Variants in KCTD7 observed in about 807,000 individuals in gnomAD.
The protein encoded by KCTD7 is potassium channel tetramerization domain containing 7, also known as BTB/POZ domain-containing protein KCTD7.
A neutral mutation model predicts 27.0 loss-of-function variants in KCTD7; 15 were observed. The ratio of observed to expected loss-of-function variants is 0.56; its 90% CI spans 0.37 to 0.86. KCTD7 has a LOEUF of 0.86. KCTD7 is among the 40% of genes least tolerant of loss of function. KCTD7 has a pLI of 0.00. For missense variants in KCTD7, 299 were observed against 398.9 expected (o/e 0.75, Z 2.13); for synonymous variants, 159 against 162.7 (o/e 0.98, Z 0.17).
In KCTD7 at chr7:66,639,031, G is replaced by T; in HGVS notation, c.669G>T (p.Glu223Asp). Residue 223 changes from glutamate to aspartate, a missense_variant, in exon 4 of 4, where the codon GAG becomes GAT. Coordinates refer to ENST00000639828, the MANE Select transcript of KCTD7 (RefSeq NM_153033.5). ...GTGAGAGTGACGGGCAGCTTTTTGA[G>T]CACCACTGTGAAGTGGATGTGTCTT... ...ERSESDGQLF[E>D]HHCEVDVSFG... 6.2e-7 allele frequency: 1 copy of T among 1,614,162 alleles called. No homozygotes were observed. Among genetic ancestry groups the T allele is most frequent in the Non-Finnish European group, 8.5e-7 (1 of 1,180,024 alleles).
intron 1 of KCTD7, among the ~76,000 whole-genome samples, chr7:66,632,737 A>C (rs1244744978): frequency 6.6e-6 from 1 of 151,880 alleles, no homozygotes; most frequent in Non-Finnish European, 1.5e-5. Context: ...TGAGGTGGAG[A>C]GACCTGATTT....
chr7:66,639,407 C>T lies in KCTD7; in HGVS notation c.*175C>T. On this transcript the variant is annotated 3_prime_UTR_variant, in exon 4 of 4. Transcript: ENST00000639828. Reference sequence around the variant, plus strand: ...TGTAGCTCCAATCTCCCTGACTGCACCTCAGGGTTGGGCTCAGGGCTTGCG... The same window carrying T: ...TGTAGCTCCAATCTCCCTGACTGCATCTCAGGGTTGGGCTCAGGGCTTGCG... 2.0e-6 allele frequency: 3 copies of T among 1,500,482 alleles called. No homozygotes were observed. The highest frequency in any genetic ancestry group is 2.7e-6 in the Non-Finnish European group (3 of 1,127,356). The allele number at this position is 1,500,482 out of a possible 1,614,324, so 92.9% of individuals were successfully genotyped here.
In KCTD7 at chr7:66,640,784, C is replaced by A. The variant is rs1033782755; in HGVS notation, c.*1552C>A. 197 of 985,128 alleles carry A rather than the reference C, an allele frequency of 2.0e-4. No homozygotes were observed. Among genetic ancestry groups the A allele is most frequent in the Non-Finnish European group, 2.3e-4 (193 of 824,098 alleles). The allele number at this position is 985,128 out of a possible 1,614,324, so 61.0% of individuals were successfully genotyped here. On this transcript the variant is annotated 3_prime_UTR_variant, in exon 4 of 4. Coordinates refer to ENST00000639828, the MANE Select transcript of KCTD7 (RefSeq NM_153033.5). ...GATTAAGACTGTAGTATACTATGAT[C>A]GTGCCTGTGGCTAGCCACTGTGCTC... is the stretch of plus-strand genomic sequence containing the variant.
intron 3 of KCTD7, chr7:66,638,654 G>A (rs374072494): frequency 3.8e-6 from 3 of 783,088 alleles, no homozygotes; most frequent in South Asian, 1.8e-5. Flanking sequence ...GACAGCCCTC[G>A]TCCCATTGGC....
Position 66,642,049 on chromosome 7 carries a change from TATC to T in KCTD7, c.*2819_*2821del, listed in dbSNP as rs1786731032. Reference sequence around the variant, plus strand: ...TCTTGCCTTGAGACGGGCCAGTAGTTATCAGTGAGTCAAAGCAAAGTGAAAGTT... The same window carrying T: ...TCTTGCCTTGAGACGGGCCAGTAGTTAGTGAGTCAAAGCAAAGTGAAAGTT... On this transcript the variant is annotated 3_prime_UTR_variant, in exon 4 of 4. Coordinates refer to ENST00000639828, the MANE Select transcript of KCTD7 (RefSeq NM_153033.5). The T allele has an allele frequency of 1.0e-6, 1 of 985,310 alleles. No homozygotes were observed. The allele number at this position is 985,310 out of a possible 1,614,324, so 61.0% of individuals were successfully genotyped here. A position where few individuals can be genotyped will look rare whatever the true frequency, so the allele number is the denominator to read the frequency against.
Position 66,639,255 on chromosome 7 carries a change from C to T in KCTD7, c.*23C>T. ...TGAGTAGCCCCGGTAGGCGAGAGTC[C>T]CATCAGGGAGGATGTCCACCTTGCT... On this transcript the variant is annotated 3_prime_UTR_variant, in exon 4 of 4. Transcript: ENST00000639828. The T allele has an allele frequency of 1.2e-6, 2 of 1,605,798 alleles. No individual in the cohort carries two copies. The highest frequency in any genetic ancestry group is 1.7e-6 in the Non-Finnish European group (2 of 1,179,968).
intron 3 of KCTD7, 37 bp downstream of exon 3, chr7:66,638,468 A>C (rs755121011): frequency 1.2e-6 from 2 of 1,607,324 alleles, no homozygotes; most frequent in Admixed American, 3.3e-5. Flanking sequence ...GGTATGTGGG[A>C]GGAGGTCTGC....
At position 66,640,960 on chromosome 7, in the gene KCTD7, C is replaced by T. The variant is rs1363663280; in HGVS notation, c.*1728C>T. 3 of 985,356 alleles carry T rather than the reference C, an allele frequency of 3.0e-6. No individual in the cohort carries two copies. The highest frequency in any genetic ancestry group is 9.4e-5 in the South Asian group (2 of 21,288). 61.0% of individuals were successfully genotyped at this position (985,356 alleles called of 1,614,324 possible). A position where few individuals can be genotyped will look rare whatever the true frequency, so the allele number is the denominator to read the frequency against. On this transcript the variant is annotated 3_prime_UTR_variant, in exon 4 of 4. Transcript: ENST00000639828. ...TTCATATGAGGAAGAGAAGACCAAGCCCTGGGACTTTGGCTGAATTCCTCC... is the reference window on the plus strand; with the variant it reads ...TTCATATGAGGAAGAGAAGACCAAGTCCTGGGACTTTGGCTGAATTCCTCC...
chr7:66,636,725 A>AT (rs1786595460), intron 2 of KCTD7, among the ~76,000 whole-genome samples: 1 of 152,180 alleles, frequency 6.6e-6, no homozygotes, highest in African/African-American at 2.4e-5. Flanking sequence ...GTGAGCTATG[A>AT]TTGCACCACT....
At chr7:66,633,219 A>T (rs1469818020) in intron 1 of KCTD7, 56 bp from the exon 2 acceptor site, 2 of 1,574,598 alleles carry the variant, frequency 1.3e-6, no homozygotes, top group Non-Finnish European at 1.7e-6. Context: ...AAGATGGAGC[A>T]GCCCCAGCTC....
chr7:66,632,269 T>G (rs539868706), intron 1 of KCTD7, among the ~76,000 whole-genome samples: 1 of 151,364 alleles, frequency 6.6e-6, no homozygotes, highest in African/African-American at 2.4e-5. Flanking sequence ...GGGCGGATCA[T>G]GAGGTCAGGA....
Position 66,643,036 on chromosome 7 carries a change from C to G in KCTD7, c.*3804C>G. The G allele has an allele frequency of 1.0e-6, 1 of 985,422 alleles. No individual in the cohort carries two copies. Among genetic ancestry groups the G allele is most frequent in the Non-Finnish European group, 1.2e-6 (1 of 829,932 alleles). The allele number at this position is 985,422 out of a possible 1,614,324, so 61.0% of individuals were successfully genotyped here. A position where few individuals can be genotyped will look rare whatever the true frequency, so the allele number is the denominator to read the frequency against. On this transcript the variant is annotated 3_prime_UTR_variant, in exon 4 of 4. Coordinates refer to ENST00000639828, the MANE Select transcript of KCTD7 (RefSeq NM_153033.5). ...CAGTACACTCCAAGGGCATTAAAGT[C>G]AAGAACTAGAACCTGGGTGCTGTGC...
In KCTD7 at chr7:66,642,033, G is replaced by T. The variant is rs770080043; in HGVS notation, c.*2801G>T. 8 of 985,318 alleles carry T rather than the reference G, an allele frequency of 8.1e-6. No homozygotes were observed. The highest frequency in any genetic ancestry group is 8.4e-6 in the Non-Finnish European group (7 of 829,944). 61.0% of individuals were successfully genotyped at this position (985,318 alleles called of 1,614,324 possible). A position where few individuals can be genotyped will look rare whatever the true frequency, so the allele number is the denominator to read the frequency against. ...CAAGGGACTGGATTCATCTTGCCTTGAGACGGGCCAGTAGTTATCAGTGAG... is the reference window on the plus strand; with the variant it reads ...CAAGGGACTGGATTCATCTTGCCTTTAGACGGGCCAGTAGTTATCAGTGAG... On this transcript the variant is annotated 3_prime_UTR_variant, in exon 4 of 4. Coordinates refer to ENST00000639828, the MANE Select transcript of KCTD7 (RefSeq NM_153033.5).
chr7:66,633,498 G>C, intron 2 of KCTD7, 54 bp downstream of exon 2: 1 of 1,544,548 alleles, frequency 6.5e-7, no homozygotes, highest in South Asian at 1.1e-5. Context: ...GATTAGCGTA[G>C]GCTTGAGTAT....
rs867319899 is a variant in KCTD7 at position 66,633,338 on chromosome 7, C to T, written c.208C>T (p.Arg70Trp). The T allele has an allele frequency of 1.2e-6, 2 of 1,613,850 alleles. No homozygotes were observed. The highest frequency in any genetic ancestry group is 1.1e-5 in the South Asian group (1 of 91,064). The change falls in exon 2 of 4, where the codon CGG becomes TGG. Residue 70 changes from arginine to tryptophan, a missense_variant. By Grantham distance (101) the Arg-to-Trp change is moderately radical (BLOSUM62 -3). Transcript: ENST00000639828. ...CTTCACTACACGCCTGTCCACACTGCGGTGCTACGAAGACACCATGTTGGC... is the reference window on the plus strand; with the variant it reads ...CTTCACTACACGCCTGTCCACACTGTGGTGCTACGAAGACACCATGTTGGC... ...AHFTTRLSTL[R>W]CYEDTMLAAM...
rs1562651796 is a variant in KCTD7, at chr7:66,642,858, C to CA, written c.*3627dup. 1 of 985,240 alleles carries CA rather than the reference C, an allele frequency of 1.0e-6. No homozygotes were observed. Among genetic ancestry groups the CA allele is most frequent in the African/African-American group, 1.7e-5 (1 of 57,180 alleles). The allele number at this position is 985,240 out of a possible 1,614,324, so 61.0% of individuals were successfully genotyped here. ...AGGGGTTGAGGGAGGTGGGAACAAA[C>CA]AGTGAGTATGGGAACAGGCAGTCAC... On this transcript the variant is annotated 3_prime_UTR_variant, in exon 4 of 4. Transcript: ENST00000639828.
intron 2 of KCTD7, among the ~76,000 whole-genome samples, chr7:66,634,248 T>C (rs977419818): frequency 1.6e-4 from 24 of 147,988 alleles, no homozygotes; most frequent in Non-Finnish European, 3.1e-4. Context: ...AGATAGGATC[T>C]TGCTGTGTTG....
Position 66,629,025 on chromosome 7 carries a change from C to T in KCTD7, c.-40C>T. 6.8e-7 allele frequency: 1 copy of T among 1,480,028 alleles called. No individual in the cohort carries two copies. The highest frequency in any genetic ancestry group is 9.0e-7 in the Non-Finnish European group (1 of 1,112,438). 91.7% of individuals were successfully genotyped at this position (1,480,028 alleles called of 1,614,324 possible). A position where few individuals can be genotyped will look rare whatever the true frequency, so the allele number is the denominator to read the frequency against. Reference sequence around the variant, plus strand: ...AGGGAGTGCCCGGGGCCGCCGCCTCCGCCCGCCCGAAGCCGCGCCCACTGC... The same window carrying T: ...AGGGAGTGCCCGGGGCCGCCGCCTCTGCCCGCCCGAAGCCGCGCCCACTGC... On this transcript the variant is annotated 5_prime_UTR_variant, in exon 1 of 4. Coordinates refer to ENST00000639828, the MANE Select transcript of KCTD7 (RefSeq NM_153033.5).
At position 66,641,536 on chromosome 7, in the gene KCTD7, A is replaced by G. The variant is rs770859287; in HGVS notation, c.*2304A>G. On this transcript the variant is annotated 3_prime_UTR_variant, in exon 4 of 4. Transcript: ENST00000639828. ...TGAAGGCTTGCTTAGGATTACAGGG[A>G]TGCTGGGTAAGAACACCGTTCCTCT... 8.1e-6 allele frequency: 8 copies of G among 985,400 alleles called. No individual in the cohort carries two copies. The highest frequency in any genetic ancestry group is 8.4e-6 in the Non-Finnish European group (7 of 829,932). The allele number at this position is 985,400 out of a possible 1,614,324, so 61.0% of individuals were successfully genotyped here.
Sources: gnomAD v4.1 joint callset for allele counts (sites outside exome capture counted in the v4.1 genomes callset) on GRCh38, gnomAD v4.1.1 for gene constraint, MANE v1.5 for transcripts, NCBI Gene and HGNC (gene_info 2026-07-23, HGNC 2026-07-21) for gene names.